Variants in CSMD1 observed in about 807,000 individuals in gnomAD.
The protein encoded by CSMD1 is CUB and sushi domain-containing protein 1.
A neutral mutation model predicts 417.5 loss-of-function variants in CSMD1; 213 were observed. The ratio of observed to expected loss-of-function variants is 0.51; its 90% CI spans 0.46 to 0.57. The LOEUF is 0.57. Among genes scored for constraint, CSMD1 ranks in the 20% least tolerant of loss-of-function variants. The pLI, the probability that CSMD1 is intolerant of heterozygous loss-of-function variation, is 0.00. For missense variants in CSMD1, 6,923 were observed against 4,529.7 expected, an observed-to-expected ratio of 1.53 and a Z score of -15.17; for synonymous variants, 2,862 against 1,736.8, an observed-to-expected ratio of 1.65 and a Z score of -16.11.
chr8:4,128,032 T>G (rs143637083), intron 3 of CSMD1, among the ~76,000 whole-genome samples: 1 of 152,340 alleles, frequency 6.6e-6, no homozygotes, highest in East Asian at 1.9e-4. Flanking sequence ...TTTTATATTC[T>G]TCAGGTGATT....
chr8:4,411,827 T>C (rs1010075990), intron 3 of CSMD1, among the ~76,000 whole-genome samples: 2 of 152,248 alleles, frequency 1.3e-5, no homozygotes, highest in African/African-American at 4.8e-5. Context: ...GCAAATACTT[T>C]TATTTATATT....
chr8:3,040,788 G>C (rs1811035771), intron 50 of CSMD1, among the ~76,000 whole-genome samples: 1 of 151,928 alleles, frequency 6.6e-6, no homozygotes, highest in Non-Finnish European at 1.5e-5. Context: ...GGGTGGCAGA[G>C]TGAGACTCCA....
Position 2,935,703 on chromosome 8 carries a change from T to C in CSMD1, c.*2882A>G, listed in dbSNP as rs1342740912. ...AAAAAGGTCTTTCGCACCTACGTCG[T>C]GACAGCAGCGTGTGGTGGGACGGGA... is the stretch of plus-strand genomic sequence containing the variant. On this transcript the variant is annotated 3_prime_UTR_variant, in exon 70 of 70. Coordinates refer to ENST00000635120, the MANE Select transcript of CSMD1 (RefSeq NM_033225.6). 5 of 152,184 alleles carry C rather than the reference T, an allele frequency of 3.3e-5. No homozygotes were observed. The East Asian group carries it at 9.6e-4, about 29-fold the overall frequency. 9.4% of individuals were successfully genotyped at this position (152,184 alleles called of 1,614,324 possible). A position where few individuals can be genotyped will look rare whatever the true frequency, so the allele number is the denominator to read the frequency against.
At chr8:4,404,445 A>G (rs570534182) in intron 3 of CSMD1, among the ~76,000 whole-genome samples, 9 of 152,316 alleles carry the variant, frequency 5.9e-5, no homozygotes, top group East Asian at 3.9e-4. Context: ...TCAAGCAACG[A>G]AAGTAATTTT....
chr8:4,210,222 G>C (rs1428952888), intron 3 of CSMD1, among the ~76,000 whole-genome samples: 1 of 152,092 alleles, frequency 6.6e-6, no homozygotes, highest in Non-Finnish European at 1.5e-5. Context: ...CAGCATGCTG[G>C]GCATGACTTT....
intron 7 of CSMD1, among the ~76,000 whole-genome samples, chr8:3,699,470 G>A (rs928926748): frequency 2.0e-5 from 3 of 152,214 alleles, no homozygotes; most frequent in African/African-American, 4.8e-5. Context: ...CAGCCACGGA[G>A]GAAGTCCTTT....
chr8:3,565,496 A>C (rs35581927), intron 10 of CSMD1, among the ~76,000 whole-genome samples: 1 of 151,982 alleles, frequency 6.6e-6, no homozygotes, highest in African/African-American at 2.4e-5. Context: ...TATTCCAATC[A>C]CATTTCAAAA....
At position 3,367,144 on chromosome 8, in the gene CSMD1, C is replaced by G. The variant is rs369975674; in HGVS notation, c.3003G>C (p.Gly1001=). The part of the protein sequence containing the change: ...SFSEPVARLT[G]SVLPHTIKAG... ...CCTTGATCGTATGAGGCAACACCGA[C>G]CCGGTGAGCCTGGCAACGGGCTCGG... Residue 1001 remains glycine (G), a synonymous_variant, in exon 20 of 70, where the codon GGG becomes GGC. Coordinates refer to ENST00000635120, the MANE Select transcript of CSMD1 (RefSeq NM_033225.6). The G allele has an allele frequency of 3.1e-6, 5 of 1,613,698 alleles. No individual in the cohort carries two copies. The highest frequency in any genetic ancestry group is 1.1e-5 in the South Asian group (1 of 91,030).
At chr8:3,137,299 G>A (rs540032033) in intron 41 of CSMD1, among the ~76,000 whole-genome samples, 5 of 152,302 alleles carry the variant, frequency 3.3e-5, no homozygotes, top group South Asian at 2.1e-4. Flanking sequence ...TGAGGAAGCC[G>A]GAGCACAGAC....
At chr8:3,871,633 C>A (rs146208423) in intron 5 of CSMD1, among the ~76,000 whole-genome samples, 1 of 152,132 alleles carries the variant, frequency 6.6e-6, no homozygotes, top group African/African-American at 2.4e-5. Flanking sequence ...TATATTTTTT[C>A]TCACTTTACC....
At chr8:3,549,568 A>T (rs982717760) in intron 10 of CSMD1, among the ~76,000 whole-genome samples, 1 of 152,188 alleles carries the variant, frequency 6.6e-6, no homozygotes, top group Non-Finnish European at 1.5e-5. Flanking sequence ...TTAATGCATT[A>T]ATTTGTTAAT....
chr8:4,746,192 G>A (rs571426192), intron 1 of CSMD1, among the ~76,000 whole-genome samples: 6 of 151,816 alleles, frequency 4.0e-5, no homozygotes, highest in Non-Finnish European at 5.9e-5. Flanking sequence ...GTCCAATTCC[G>A]CCCTAAAACC....
intron 4 of CSMD1, among the ~76,000 whole-genome samples, chr8:4,006,025 G>C (rs1272439745): frequency 6.6e-6 from 1 of 152,076 alleles, no homozygotes; most frequent in Admixed American, 6.6e-5. Context: ...ACAATATTTA[G>C]GACAGATTTG....
intron 11 of CSMD1, among the ~76,000 whole-genome samples, chr8:3,481,641 C>A (rs2117246082): frequency 6.6e-6 from 1 of 152,170 alleles, no homozygotes; most frequent in South Asian, 2.1e-4. Context: ...GTAGGTGGGC[C>A]CTAAATGCCA....
intron 5 of CSMD1, among the ~76,000 whole-genome samples, chr8:3,891,503 G>T (rs551769560): frequency 1.3e-5 from 2 of 151,990 alleles, no homozygotes; most frequent in Non-Finnish European, 2.9e-5. Context: ...AACATAACAA[G>T]ACCCCATGCC....
At chr8:4,273,656 T>C (rs996092013) in intron 3 of CSMD1, among the ~76,000 whole-genome samples, 1 of 152,182 alleles carries the variant, frequency 6.6e-6, no homozygotes, top group Non-Finnish European at 1.5e-5. Flanking sequence ...TAGAGAGCAG[T>C]AATCTGTAGC....
chr8:3,783,118 C>A (rs147058577), intron 5 of CSMD1, among the ~76,000 whole-genome samples: 6 of 152,282 alleles, frequency 3.9e-5, no homozygotes, highest in African/African-American at 7.2e-5. Flanking sequence ...CCTCCCTTCT[C>A]GGGATTTATC....
At chr8:4,658,612 C>T (rs920413422) in intron 1 of CSMD1, among the ~76,000 whole-genome samples, 4 of 151,994 alleles carry the variant, frequency 2.6e-5, no homozygotes, top group Non-Finnish European at 2.9e-5. Flanking sequence ...AATGCCAGTG[C>T]GGAGTATCCA....
chr8:4,453,817 T>G (rs1346799837), intron 2 of CSMD1, among the ~76,000 whole-genome samples: 14 of 109,256 alleles, frequency 1.3e-4, no homozygotes, highest in African/African-American at 6.1e-4. Context: ...TTCGTTTCTT[T>G]TTTTTTTTTT....
Sources: allele counts gnomAD v4.1 joint callset (sites outside exome capture counted in the v4.1 genomes callset), GRCh38; gene constraint gnomAD v4.1.1; transcripts MANE v1.5; gene names NCBI Gene and HGNC (gene_info 2026-07-23, HGNC 2026-07-21).